Variants in DOK6 observed in about 807,000 individuals in gnomAD.
DOK6 encodes docking protein 6, also known as downstream of tyrosine kinase 6.
Under a neutral mutation model 44.0 loss-of-function variants are expected in DOK6, and 22 were observed. The ratio of observed to expected loss-of-function variants is 0.50; its 90% CI spans 0.36 to 0.71. The LOEUF is 0.71. DOK6 is among the 30% of genes least tolerant of loss of function. DOK6 has a pLI of 0.00. For missense variants in DOK6, 340 were observed against 416.4 expected, an observed-to-expected ratio of 0.82 and a Z score of 1.60; for synonymous variants, 166 against 145.5, an observed-to-expected ratio of 1.14 and a Z score of -1.01.
intron 5 of DOK6, among the ~76,000 whole-genome samples, chr18:69,727,729 C>A (rs1473661071): frequency 1.3e-5 from 2 of 152,158 alleles, no homozygotes; most frequent in African/African-American, 4.8e-5. Flanking sequence ...ACAACTGTAG[C>A]AGATTCAAGA....
chr18:69,716,887 C>G (rs1030800919), intron 5 of DOK6, among the ~76,000 whole-genome samples: 1 of 152,168 alleles, frequency 6.6e-6, no homozygotes, highest in Non-Finnish European at 1.5e-5. Context: ...ACCTGAGTAA[C>G]ACTGACTTCA....
chr18:69,543,242 G>C (rs537560422), intron 1 of DOK6, among the ~76,000 whole-genome samples: 1 of 151,684 alleles, frequency 6.6e-6, no homozygotes, highest in South Asian at 2.1e-4. Flanking sequence ...GAAATTTTCA[G>C]TGTGCCAGAA....
intron 1 of DOK6, among the ~76,000 whole-genome samples, chr18:69,402,750 A>G (rs553588612): frequency 6.6e-6 from 1 of 152,248 alleles, no homozygotes; most frequent in Non-Finnish European, 1.5e-5. Flanking sequence ...CCTGGAGCCA[A>G]CGTGCGCTGC....
chr18:69,554,665 C>T (rs935703801), intron 1 of DOK6, among the ~76,000 whole-genome samples: 7 of 152,126 alleles, frequency 4.6e-5, no homozygotes, highest in Non-Finnish European at 8.8e-5. Flanking sequence ...AGTAGAATTG[C>T]TAGAGCCTGT....
intron 7 of DOK6, among the ~76,000 whole-genome samples, chr18:69,801,361 G>A (rs1396163959): frequency 6.6e-6 from 1 of 152,094 alleles, no homozygotes; most frequent in Non-Finnish European, 1.5e-5. Flanking sequence ...CTGCTATTAA[G>A]TGCCAAAATT....
rs59289793 is a variant in DOK6, at chr18:69,525,881, T to A, written c.67-38606T>A. On this transcript the variant is annotated intron_variant, in intron 1 of 7. Transcript: ENST00000382713. ...AAACGCTACAACTTTTCTTGACTTT[T>A]GAGTCATGTGTAAATCTGGCCTGTG... Among the ~76,000 whole-genome samples, 1,093 of 152,204 alleles carry A rather than the reference T, an allele frequency of 7.2e-3. 9 individuals carry two copies. The highest frequency in any genetic ancestry group is 0.025 in the African/African-American group (1,042 of 41,558).
chr18:69,425,544 G>A lies in DOK6; in HGVS notation c.66+24234G>A, dbSNP rs529870343. 3.3e-5 allele frequency among the ~76,000 whole-genome samples: 5 copies of A among 151,918 alleles called. No individual in the cohort carries two copies. In the South Asian group the frequency reaches 1.0e-3, roughly 32 times the overall value. On this transcript the variant is annotated intron_variant, in intron 1 of 7. Coordinates refer to ENST00000382713, the MANE Select transcript of DOK6 (RefSeq NM_152721.6). ...GTCCTTTTTAAGATCTCACTAAAAT[G>A]TATTAACTGGAAATTTGAATGTATT... is the stretch of plus-strand genomic sequence containing the variant.
At chr18:69,803,280 A>C (rs564298819) in intron 7 of DOK6, among the ~76,000 whole-genome samples, 60 of 152,308 alleles carry the variant, frequency 3.9e-4, no homozygotes, top group African/African-American at 1.3e-3. Flanking sequence ...CTCTTTTGTT[A>C]ATATTAATTC....
chr18:69,780,841 C>G (rs539739949), intron 7 of DOK6, among the ~76,000 whole-genome samples: 1 of 152,270 alleles, frequency 6.6e-6, no homozygotes, highest in African/African-American at 2.4e-5. Context: ...TGAAGGTACA[C>G]AGGATGAAGA....
At chr18:69,750,168 G>T (rs181453570) in intron 6 of DOK6, among the ~76,000 whole-genome samples, 1 of 151,516 alleles carries the variant, frequency 6.6e-6, no homozygotes, top group South Asian at 2.1e-4. Flanking sequence ...GAACAACACT[G>T]TTTCTTGAAA....
At chr18:69,623,085 G>C (rs191632421) in intron 3 of DOK6, among the ~76,000 whole-genome samples, 112 of 152,272 alleles carry the variant, frequency 7.4e-4, no homozygotes, top group African/African-American at 2.5e-3. Flanking sequence ...CTGTTCTCAT[G>C]ACAGAGTTCT....
intron 6 of DOK6, among the ~76,000 whole-genome samples, chr18:69,739,843 A>G (rs549278743): frequency 5.9e-5 from 9 of 152,332 alleles, no homozygotes; most frequent in African/African-American, 2.2e-4. Context: ...AAGGACAGGT[A>G]GTGTTTGGGA....
At chr18:69,651,094 C>T (rs928719201) in intron 3 of DOK6, among the ~76,000 whole-genome samples, 1 of 152,138 alleles carries the variant, frequency 6.6e-6, no homozygotes, top group African/African-American at 2.4e-5. Context: ...TCTCCCACTT[C>T]CCAGAGGAAA....
chr18:69,690,836 G>T (rs571995211), intron 4 of DOK6, among the ~76,000 whole-genome samples: 1 of 152,150 alleles, frequency 6.6e-6, no homozygotes, highest in African/African-American at 2.4e-5. Context: ...TAGTAGTTTT[G>T]GATTCTTACT....
intron 1 of DOK6, among the ~76,000 whole-genome samples, chr18:69,544,649 T>C (rs1982354477): frequency 6.6e-6 from 1 of 151,518 alleles, no homozygotes; most frequent in Non-Finnish European, 1.5e-5. Flanking sequence ...CTTCAGGAAC[T>C]GGGTCTTGGC....
intron 6 of DOK6, among the ~76,000 whole-genome samples, chr18:69,739,999 G>A (rs569206648): frequency 4.1e-4 from 63 of 152,254 alleles, no homozygotes; most frequent in African/African-American, 1.4e-3. Context: ...AAAGAGAACA[G>A]AAGTAGCTTA....
chr18:69,795,291 C>T (rs914472909), intron 7 of DOK6, among the ~76,000 whole-genome samples: 20 of 152,194 alleles, frequency 1.3e-4, no homozygotes, highest in Admixed American at 3.3e-4. Context: ...AGATAGACAC[C>T]AGACGATGGC....
At chr18:69,812,907 C>G (rs1981284869) in intron 7 of DOK6, among the ~76,000 whole-genome samples, 1 of 152,038 alleles carries the variant, frequency 6.6e-6, no homozygotes, top group South Asian at 2.1e-4. Flanking sequence ...GATTCAATTA[C>G]CTACATCTGG....
At chr18:69,643,518 T>C (rs1351872014) in intron 3 of DOK6, among the ~76,000 whole-genome samples, 1 of 152,176 alleles carries the variant, frequency 6.6e-6, no homozygotes, top group African/African-American at 2.4e-5. Context: ...TCAGGTAGGA[T>C]GTAACTTTTG....
Sources: allele counts gnomAD v4.1 joint callset (sites outside exome capture counted in the v4.1 genomes callset), GRCh38; gene constraint gnomAD v4.1.1; transcripts MANE v1.5; gene names NCBI Gene and HGNC (gene_info 2026-07-23, HGNC 2026-07-21).